GRIK2: variants seen among roughly 807,000 people sequenced by gnomAD.
GRIK2 encodes glutamate receptor ionotropic, kainate 2.
A neutral mutation model predicts 100.3 loss-of-function variants in GRIK2; 32 were observed. The observed-to-expected ratio is 0.32, with a 90% CI of 0.24 to 0.43. The LOEUF (loss-of-function observed/expected upper bound fraction) is 0.43, where lower values mean the gene tolerates loss of function less well. GRIK2 is among the 20% of genes least tolerant of loss of function. The pLI, the probability that GRIK2 is intolerant of heterozygous loss-of-function variation, is 1.00. For synonymous variants in GRIK2, 417 were observed against 389.4 expected (o/e 1.07, Z -0.83); for missense variants, 843 against 1,114.9 (o/e 0.76, Z 3.47).
At chr6:101,599,624 CGTT>C (rs1465796106) in intron 2 of GRIK2, among the ~76,000 whole-genome samples, 1 of 151,624 alleles carries the variant, frequency 6.6e-6, no homozygotes, top group Admixed American at 6.6e-5. Context: ...GATGGTATCT[CGTT>C]GTGGTTTTGA....
chr6:101,449,993 T>C (rs1770585547), intron 2 of GRIK2, among the ~76,000 whole-genome samples: 1 of 151,708 alleles, frequency 6.6e-6, no homozygotes, highest in African/African-American at 2.4e-5. Context: ...TGTTCACTCT[T>C]TGTTCATTTT....
At chr6:101,550,866 ATC>A (rs1215187968) in intron 2 of GRIK2, among the ~76,000 whole-genome samples, 1 of 152,166 alleles carries the variant, frequency 6.6e-6, no homozygotes, top group Non-Finnish European at 1.5e-5. Context: ...ATGCTTCTTT[ATC>A]TCTCTGATTT....
At chr6:101,599,227 G>A (rs760626960) in intron 2 of GRIK2, among the ~76,000 whole-genome samples, 5 of 151,830 alleles carry the variant, frequency 3.3e-5, no homozygotes, top group South Asian at 2.1e-4. Flanking sequence ...AGCTGTATCC[G>A]TGCTGCTGCA....
intron 2 of GRIK2, among the ~76,000 whole-genome samples, chr6:101,617,285 G>A (rs9390764): frequency 0.19 from 28,331 of 151,586 alleles, 2,973 homozygotes; most frequent in East Asian, 0.29. Flanking sequence ...AGCACATCAT[G>A]CTCTCTTCTT....
At chr6:101,618,133 CT>C (rs959010269) in intron 2 of GRIK2, among the ~76,000 whole-genome samples, 37 of 150,760 alleles carry the variant, frequency 2.5e-4, no homozygotes, top group Non-Finnish European at 3.6e-4. Flanking sequence ...CTTCTCTTAG[CT>C]TTTTTTTGAA....
chr6:101,505,157 T>G (rs1435200975), intron 2 of GRIK2, among the ~76,000 whole-genome samples: 1 of 152,108 alleles, frequency 6.6e-6, no homozygotes, highest in African/African-American at 2.4e-5. Flanking sequence ...GAGGATTGCA[T>G]TTTTTAAATC....
intron 7 of GRIK2, among the ~76,000 whole-genome samples, chr6:101,739,232 CTT>C (rs1440336784): frequency 6.6e-6 from 1 of 152,158 alleles, no homozygotes; most frequent in East Asian, 1.9e-4. Flanking sequence ...ATTTTACTCT[CTT>C]GTTTCTGCCA....
At chr6:102,019,272 T>A (rs950442552) in intron 14 of GRIK2, among the ~76,000 whole-genome samples, 2 of 152,032 alleles carry the variant, frequency 1.3e-5, no homozygotes, top group Non-Finnish European at 1.5e-5. Context: ...TACAGGAAAA[T>A]CCTCATAGCA....
chr6:101,515,482 G>A (rs1288138246), intron 2 of GRIK2, among the ~76,000 whole-genome samples: 1 of 152,086 alleles, frequency 6.6e-6, no homozygotes, highest in African/African-American at 2.4e-5. Flanking sequence ...GTTCTTTAAG[G>A]AAGCTCCACA....
At chr6:101,425,605 G>T (rs956351370) in intron 2 of GRIK2, among the ~76,000 whole-genome samples, 1 of 152,034 alleles carries the variant, frequency 6.6e-6, no homozygotes, top group Non-Finnish European at 1.5e-5. Context: ...TTGTATTAAA[G>T]TTTTAAAGAC....
chr6:101,510,320 G>C (rs1056409853), intron 2 of GRIK2, among the ~76,000 whole-genome samples: 22 of 152,164 alleles, frequency 1.4e-4, no homozygotes, highest in Admixed American at 1.4e-3. Flanking sequence ...GCACTAGAGT[G>C]GGTATGATGG....
chr6:101,618,682 T>C (rs977781926), intron 2 of GRIK2, among the ~76,000 whole-genome samples: 2 of 151,782 alleles, frequency 1.3e-5, no homozygotes, highest in African/African-American at 4.8e-5. Flanking sequence ...GAACTTGATT[T>C]AGTTAGTATT....
intron 2 of GRIK2, among the ~76,000 whole-genome samples, chr6:101,414,635 A>G (rs992103471): frequency 6.6e-6 from 1 of 152,034 alleles, no homozygotes; most frequent in Non-Finnish European, 1.5e-5. Flanking sequence ...ATCTTTAAGG[A>G]ATGTTGTTTT....
intron 7 of GRIK2, among the ~76,000 whole-genome samples, chr6:101,689,289 A>C (rs979829884): frequency 1.3e-5 from 2 of 152,082 alleles, no homozygotes; most frequent in Non-Finnish European, 1.5e-5. Context: ...TAGTCCCATA[A>C]AGAAATGGGA....
At chr6:101,898,908 A>G (rs1235882118) in intron 12 of GRIK2, among the ~76,000 whole-genome samples, 1 of 151,998 alleles carries the variant, frequency 6.6e-6, no homozygotes, top group Non-Finnish European at 1.5e-5. Context: ...CACTCTATCC[A>G]AATAATTAAT....
intron 7 of GRIK2, among the ~76,000 whole-genome samples, chr6:101,715,270 A>C (rs1163077180): frequency 2.6e-5 from 4 of 151,802 alleles, no homozygotes; most frequent in Non-Finnish European, 4.4e-5. Flanking sequence ...CCACATAAAC[A>C]GTCCTGAAGA....
intron 11 of GRIK2, among the ~76,000 whole-genome samples, chr6:101,870,646 T>G (rs184390305): frequency 1.8e-3 from 274 of 151,538 alleles, no homozygotes; most frequent in Non-Finnish European, 2.6e-3. Flanking sequence ...ACTAAAGGAG[T>G]GCAATTAACT....
intron 16 of GRIK2, 134 bp downstream of exon 16, chr6:102,055,714 C>A (rs1771431207): frequency 5.1e-6 from 3 of 585,298 alleles, no homozygotes; most frequent in Non-Finnish European, 9.0e-6. Flanking sequence ...TTATGTCATT[C>A]ATTACATAAC....
chr6:102,001,524 AAGGAC>A (rs747111519), intron 14 of GRIK2, among the ~76,000 whole-genome samples: 122 of 152,186 alleles, frequency 8.0e-4, no homozygotes, highest in Non-Finnish European at 1.3e-3. Flanking sequence ...TGTCCCTGCA[AAGGAC>A]ATGAACTCAT....
Sources: allele counts gnomAD v4.1 joint callset (sites outside exome capture counted in the v4.1 genomes callset), GRCh38; gene constraint gnomAD v4.1.1; transcripts MANE v1.5; gene names NCBI Gene and HGNC (gene_info 2026-07-23, HGNC 2026-07-21).